The following DLGAP2 variants were observed in gnomAD, a reference collection of about 807,000 sequenced individuals.
DLGAP2 encodes DLG associated protein 2.
A neutral mutation model predicts 100.3 loss-of-function variants in DLGAP2; 26 were observed. The ratio of observed to expected loss-of-function variants is 0.26; its 90% CI spans 0.19 to 0.36. The LOEUF (loss-of-function observed/expected upper bound fraction) is 0.36, where lower values mean the gene tolerates loss of function less well. Among genes scored for constraint, DLGAP2 ranks in the 10% least tolerant of loss-of-function variants. The pLI is 1.00. For synonymous variants in DLGAP2, 886 were observed against 630.1 expected, an observed-to-expected ratio of 1.41 and a Z score of -6.08; for missense variants, 1,858 against 1,453.2, an observed-to-expected ratio of 1.28 and a Z score of -4.53.
chr8:1,500,155 T>A (rs1267773111), intron 3 of DLGAP2, among the ~76,000 whole-genome samples: 1 of 152,246 alleles, frequency 6.6e-6, no homozygotes, highest in Non-Finnish European at 1.5e-5. Flanking sequence ...GTGTCATCAT[T>A]CTGATACCCC....
chr8:1,352,365 C>A (rs571263571), intron 3 of DLGAP2, among the ~76,000 whole-genome samples: 4 of 151,990 alleles, frequency 2.6e-5, no homozygotes, highest in Non-Finnish European at 5.9e-5. Context: ...CCCAGCGACT[C>A]CCCCTGGGGC....
At chr8:1,307,974 C>T (rs1056812066) in intron 3 of DLGAP2, among the ~76,000 whole-genome samples, 1 of 151,956 alleles carries the variant, frequency 6.6e-6, no homozygotes, top group African/African-American at 2.4e-5. Context: ...TAACACACCA[C>T]AGAACTACAC....
At chr8:1,458,866 A>T (rs1263885079) in intron 3 of DLGAP2, among the ~76,000 whole-genome samples, 1 of 152,178 alleles carries the variant, frequency 6.6e-6, no homozygotes, top group Non-Finnish European at 1.5e-5. Context: ...CGTCCCCATG[A>T]TATGGGGCTC....
rs377475919 is a variant in DLGAP2, at chr8:1,252,225, T to A, written c.74-6626T>A. On this transcript the variant is annotated intron_variant, in intron 2 of 14. Coordinates refer to ENST00000637795, the MANE Select transcript of DLGAP2 (RefSeq NM_001346810.2). Reference sequence around the variant, plus strand: ...TCACACTTGTCACACTGTGGTGTTGTCACATGGGTGTGTTGTGTTGTCCTG... The same window carrying A: ...TCACACTTGTCACACTGTGGTGTTGACACATGGGTGTGTTGTGTTGTCCTG... Among the ~76,000 whole-genome samples the A allele has an allele frequency of 3.3e-3, 506 of 152,094 alleles. 2 individuals carry two copies. Among genetic ancestry groups the A allele is most frequent in the African/African-American group, 0.011 (471 of 41,454 alleles).
At chr8:879,872 C>G (rs1355317379) in intron 1 of DLGAP2, among the ~76,000 whole-genome samples, 1 of 152,200 alleles carries the variant, frequency 6.6e-6, no homozygotes, top group Non-Finnish European at 1.5e-5. Context: ...ACTGTCTTCT[C>G]CATGTCATTG....
At chr8:977,475 C>T (rs889204232) in intron 2 of DLGAP2, among the ~76,000 whole-genome samples, 3 of 152,332 alleles carry the variant, frequency 2.0e-5, no homozygotes, top group Admixed American at 2.0e-4. Context: ...TCTGATATAG[C>T]AAAATATCTT....
intron 1 of DLGAP2, among the ~76,000 whole-genome samples, chr8:740,708 C>T (rs1041400710): frequency 6.6e-6 from 1 of 152,048 alleles, no homozygotes; most frequent in Non-Finnish European, 1.5e-5. Flanking sequence ...TATCATCTTC[C>T]ATAATGTTGA....
intron 2 of DLGAP2, among the ~76,000 whole-genome samples, chr8:1,010,320 TACAC>T (rs1399777279): frequency 1.3e-5 from 2 of 150,346 alleles, no homozygotes; most frequent in East Asian, 2.0e-4. Flanking sequence ...TATACACACA[TACAC>T]ACATGTGCCC....
intron 2 of DLGAP2, among the ~76,000 whole-genome samples, chr8:1,115,097 G>A (rs1383258967): frequency 6.6e-6 from 1 of 152,178 alleles, no homozygotes; most frequent in African/African-American, 2.4e-5. Context: ...TTTGCCTGAG[G>A]ATTATGTTCA....
At chr8:1,232,757 A>G (rs1364126558) in intron 2 of DLGAP2, among the ~76,000 whole-genome samples, 1 of 152,170 alleles carries the variant, frequency 6.6e-6, no homozygotes, top group Non-Finnish European at 1.5e-5. Flanking sequence ...TCACACATTC[A>G]TTTCTTCCAC....
intron 4 of DLGAP2, among the ~76,000 whole-genome samples, chr8:1,519,313 TAAAA>T (rs35840589): frequency 6.6e-6 from 1 of 151,260 alleles, no homozygotes; most frequent in Non-Finnish European, 1.5e-5. Flanking sequence ...TTGGAAATCT[TAAAA>T]AAAAAATCTA....
Position 1,632,854 on chromosome 8 carries a change from T to A in DLGAP2, c.1618T>A (p.Phe540Ile). ...QVSEAEINGQFESVCESVFSE... is the reference protein window; with the variant it reads ...QVSEAEINGQIESVCESVFSE... ...GAGCGAGGCGGAGATCAATGGGCAA[T>A]TCGAGTCCGTGTGCGAGTCCGTCTT... Residue 540 changes from phenylalanine to isoleucine, a missense_variant, in exon 8 of 15, where the codon TTC (phenylalanine) becomes ATC (isoleucine). Transcript: ENST00000637795. 6.2e-7 allele frequency: 1 copy of A among 1,613,168 alleles called. No individual in the cohort carries two copies. The highest frequency in any genetic ancestry group is 2.2e-5 in the East Asian group (1 of 44,854).
intron 6 of DLGAP2, among the ~76,000 whole-genome samples, chr8:1,582,361 G>A (rs183603266): frequency 3.0e-4 from 46 of 151,020 alleles, no homozygotes; most frequent in Non-Finnish European, 6.1e-4. Flanking sequence ...ATTATGTACA[G>A]AAGAATAAAG....
intron 4 of DLGAP2, among the ~76,000 whole-genome samples, chr8:1,509,998 C>A (rs556849132): frequency 6.6e-6 from 1 of 152,142 alleles, no homozygotes; most frequent in Non-Finnish European, 1.5e-5. Flanking sequence ...TCATGTGTTT[C>A]CCGAACATGA....
At position 1,596,106 on chromosome 8, in the gene DLGAP2, A is replaced by AGTGG. The variant is rs529377312; in HGVS notation, c.1442+30213_1442+30216dup. Among the ~76,000 whole-genome samples the AGTGG allele has an allele frequency of 4.1e-3, 585 of 143,930 alleles. 1 individual carries two copies. Among genetic ancestry groups the AGTGG allele is most frequent in the African/African-American group, 0.014 (528 of 38,698 alleles). 94.4% of individuals were successfully genotyped at this position (143,930 alleles called of 152,430 possible). On this transcript the variant is annotated intron_variant, in intron 6 of 14. Transcript: ENST00000637795. ...TCTCATCGTTCATCTCCCACTTATG[A>AGTGG]GTGGCAACATGCAGTATTTGGTTTT...
Position 916,899 on chromosome 8 carries a change from G to T in DLGAP2, c.73+8933G>T, listed in dbSNP as rs548342908. Among the ~76,000 whole-genome samples, 6 of 152,294 alleles carry T rather than the reference G, an allele frequency of 3.9e-5. No individual in the cohort carries two copies. In the East Asian group the frequency reaches 9.7e-4, roughly 25 times the overall value. On this transcript the variant is annotated intron_variant, in intron 2 of 14. Transcript: ENST00000637795. ...CTGCGTTGAGACCAAGATGATCCTGGCACTGATGCCCGGGAGGGCACACCC... is the reference window on the plus strand; with the variant it reads ...CTGCGTTGAGACCAAGATGATCCTGTCACTGATGCCCGGGAGGGCACACCC...
intron 2 of DLGAP2, among the ~76,000 whole-genome samples, chr8:1,211,568 G>A (rs562837644): frequency 2.0e-5 from 3 of 152,282 alleles, no homozygotes; most frequent in South Asian, 2.1e-4. Context: ...CCACATCACC[G>A]TATCCATTAA....
chr8:1,430,774 C>A (rs985637102), intron 3 of DLGAP2, among the ~76,000 whole-genome samples: 2 of 152,190 alleles, frequency 1.3e-5, no homozygotes, highest in Non-Finnish European at 2.9e-5. Context: ...ATAAGATGAA[C>A]AGTTATTGAA....
chr8:1,018,352 T>C (rs1801532364), intron 2 of DLGAP2, among the ~76,000 whole-genome samples: 1 of 152,240 alleles, frequency 6.6e-6, no homozygotes, highest in South Asian at 2.1e-4. Context: ...GACCACAGCA[T>C]GTTTTACTGG....
Sources: allele counts gnomAD v4.1 joint callset (sites outside exome capture counted in the v4.1 genomes callset), GRCh38; gene constraint gnomAD v4.1.1; transcripts MANE v1.5; gene names NCBI Gene and HGNC (gene_info 2026-07-23, HGNC 2026-07-21).